The following SZRD1 variants were observed in gnomAD, a reference collection of about 807,000 sequenced individuals.
SZRD1 encodes SUZ RNA-binding domain-containing.
Under a neutral mutation model 17.6 loss-of-function variants are expected in SZRD1, and 7 were observed. The ratio of observed to expected loss-of-function variants is 0.40; its 90% CI spans 0.23 to 0.75. SZRD1 has a LOEUF of 0.75. SZRD1 is among the 30% of genes least tolerant of loss of function. The pLI is 0.38. For missense variants in SZRD1, 178 were observed against 201.8 expected (o/e 0.88, Z 0.71); for synonymous variants, 77 against 77.9 (o/e 0.99, Z 0.06).
chr1:16,393,837 T>C lies in SZRD1; in HGVS notation c.356+355T>C, dbSNP rs1318537311. ...TTGACCTCTCTGGGCCTTAGTTTTC[T>C]CATCTGAAAAAATGGGATAATAATA... On this transcript the variant is annotated intron_variant, in intron 3 of 3. Coordinates refer to ENST00000401088, the MANE Select transcript of SZRD1 (RefSeq NM_001114600.3). This position sits in a 1 kb window ranked among gnomAD's most constrained non-coding sequence, Gnocchi z 5.6. 6.6e-6 allele frequency among the ~76,000 whole-genome samples: 1 copy of C among 152,164 alleles called. No homozygotes were observed.
intron 1 of SZRD1, chr1:16,369,603 C>T (rs918523059): frequency 1.3e-5 from 8 of 607,242 alleles, no homozygotes; most frequent in Non-Finnish European, 2.3e-5. Flanking sequence ...TAAAAATGTA[C>T]CGCGGCCAGG....
At chr1:16,389,680 C>T (rs562493975) in intron 1 of SZRD1, among the ~76,000 whole-genome samples, 14 of 152,080 alleles carry the variant, frequency 9.2e-5, no homozygotes, top group Non-Finnish European at 1.9e-4. Flanking sequence ...CTCCTGCCCT[C>T]GTGATCCGCC....
At chr1:16,373,070 G>C (rs2082940490) in intron 1 of SZRD1, among the ~76,000 whole-genome samples, 1 of 152,018 alleles carries the variant, frequency 6.6e-6, no homozygotes, top group East Asian at 1.9e-4. Context: ...AGCATTGGGA[G>C]GGCTACAAGT....
At chr1:16,387,628 T>G in intron 1 of SZRD1, 1 of 456,742 alleles carries the variant, frequency 2.2e-6, no homozygotes, top group Middle Eastern at 3.3e-4. Context: ...TTGCCTGGTC[T>G]ATGAAGGCAT....
rs1351692465 is a variant in SZRD1, at chr1:16,372,062, A to T, written c.51+4754A>T. On this transcript the variant is annotated intron_variant, in intron 1 of 3. Transcript: ENST00000401088. ...AAAGACTGACTTTGAGAAGTCCCTCACATATTCTGTGAATAGACTTTTTGC... is the reference window on the plus strand; with the variant it reads ...AAAGACTGACTTTGAGAAGTCCCTCTCATATTCTGTGAATAGACTTTTTGC... Among the ~76,000 whole-genome samples the T allele has an allele frequency of 2.0e-5, 3 of 152,288 alleles. No individual in the cohort carries two copies. The East Asian group carries it at 5.8e-4, about 29-fold the overall frequency.
Position 16,391,543 on chromosome 1 carries a change from C to A in SZRD1, c.101+119C>A. ...GGTCCTAGCAGGTCAGGCTCTGGGG[C>A]AGCAAACCCTTCCCTCCAAATTGGA... On this transcript the variant is annotated intron_variant, in intron 2 of 3. Coordinates refer to ENST00000401088, the MANE Select transcript of SZRD1 (RefSeq NM_001114600.3). This position sits in a 1 kb window ranked among gnomAD's most constrained non-coding sequence, Gnocchi z 4.3. 1 of 835,472 alleles carries A rather than the reference C, an allele frequency of 1.2e-6. No individual in the cohort carries two copies. The highest frequency in any genetic ancestry group is 1.9e-6 in the Non-Finnish European group (1 of 526,160). The allele number at this position is 835,472 out of a possible 1,614,324, so 51.8% of individuals were successfully genotyped here.
At chr1:16,376,774 C>T (rs2083009609) in intron 1 of SZRD1, among the ~76,000 whole-genome samples, 1 of 144,312 alleles carries the variant, frequency 6.9e-6, no homozygotes, top group South Asian at 2.2e-4. Flanking sequence ...TCACTGCACT[C>T]CAGCCTGGGC....
At chr1:16,385,789 G>A (rs1330730826) in intron 1 of SZRD1, among the ~76,000 whole-genome samples, 1 of 152,170 alleles carries the variant, frequency 6.6e-6, no homozygotes, top group African/African-American at 2.4e-5. Context: ...AAGGTTAAGG[G>A]CATCAGCAGC....
At chr1:16,377,353 C>T (rs996799171) in intron 1 of SZRD1, among the ~76,000 whole-genome samples, 4 of 152,044 alleles carry the variant, frequency 2.6e-5, no homozygotes, top group Admixed American at 2.6e-4. Flanking sequence ...GAAGTCAAGG[C>T]GGGTGGATTG....
Position 16,394,980 on chromosome 1 carries a change from G to A in SZRD1, c.357-58G>A, listed in dbSNP as rs2085285385. Reference sequence around the variant, plus strand: ...AAAAATAAATAAAAAATAAAGAAATGATGGGGGACATCTATTATATCCTTC... The same window carrying A: ...AAAAATAAATAAAAAATAAAGAAATAATGGGGGACATCTATTATATCCTTC... On this transcript the variant is annotated intron_variant, in intron 3 of 3. Coordinates refer to ENST00000401088, the MANE Select transcript of SZRD1 (RefSeq NM_001114600.3). 9 of 973,960 alleles carry A rather than the reference G, an allele frequency of 9.2e-6. No individual in the cohort carries two copies. In the South Asian group the frequency reaches 1.3e-4, roughly 14 times the overall value. 60.3% of individuals were successfully genotyped at this position (973,960 alleles called of 1,614,324 possible).
At chr1:16,378,116 G>A (rs1003645382) in intron 1 of SZRD1, among the ~76,000 whole-genome samples, 6 of 151,958 alleles carry the variant, frequency 3.9e-5, no homozygotes, top group Non-Finnish European at 5.9e-5. Context: ...TTACTTTCAG[G>A]TATAGGGCTG....
intron 1 of SZRD1, among the ~76,000 whole-genome samples, chr1:16,390,119 A>G (rs545024449): frequency 1.3e-5 from 2 of 152,328 alleles, no homozygotes; most frequent in South Asian, 4.1e-4. Flanking sequence ...TTTTGCATAC[A>G]GTTTCTTCCA....
At chr1:16,367,589 C>T (rs1211275374) in intron 1 of SZRD1, 1 of 499,354 alleles carries the variant, frequency 2.0e-6, no homozygotes, top group Non-Finnish European at 3.6e-6. Context: ...TTCCTGACCC[C>T]CCGCGCCCAC....
At chr1:16,380,624 A>G (rs1231353935) in intron 1 of SZRD1, among the ~76,000 whole-genome samples, 2 of 152,104 alleles carry the variant, frequency 1.3e-5, no homozygotes, top group Admixed American at 1.3e-4. Flanking sequence ...ATGTGCCATC[A>G]CGCCTGGCTA....
chr1:16,379,573 GC>G (rs1570014859), intron 1 of SZRD1, among the ~76,000 whole-genome samples: 1 of 152,254 alleles, frequency 6.6e-6, no homozygotes, highest in East Asian at 1.9e-4. Context: ...AATGCCTAAG[GC>G]AGCCTGAGCT....
At chr1:16,384,854 C>G (rs2083162571) in intron 1 of SZRD1, among the ~76,000 whole-genome samples, 5 of 152,176 alleles carry the variant, frequency 3.3e-5, no homozygotes, top group Admixed American at 3.3e-4. Context: ...TTCTTCAGAT[C>G]TCCCCGGGTC....
At chr1:16,379,044 A>G (rs1280404787) in intron 1 of SZRD1, among the ~76,000 whole-genome samples, 2 of 149,438 alleles carry the variant, frequency 1.3e-5, no homozygotes, top group African/African-American at 2.5e-5. Flanking sequence ...ATCCTACTTT[A>G]TTAGCTCCTG....
Position 16,370,446 on chromosome 1 carries a change from C to T in SZRD1, c.51+3138C>T, listed in dbSNP as rs569987322. Among the ~76,000 whole-genome samples, 366 of 151,886 alleles carry T rather than the reference C, an allele frequency of 2.4e-3. 6 individuals are homozygous for T. The highest frequency in any genetic ancestry group is 8.5e-3 in the African/African-American group (354 of 41,442). Reference sequence around the variant, plus strand: ...TTCACCATGTTGGCCACGCTGATCTCGAACTCCTGGCCTCAAGTGATCCTC... The same window carrying T: ...TTCACCATGTTGGCCACGCTGATCTTGAACTCCTGGCCTCAAGTGATCCTC... On this transcript the variant is annotated intron_variant, in intron 1 of 3. Transcript: ENST00000401088.
Position 16,395,338 on chromosome 1 carries a change from A to C in SZRD1, c.*198A>C. 5.0e-6 allele frequency: 3 copies of C among 594,238 alleles called. No individual in the cohort carries two copies. The highest frequency in any genetic ancestry group is 6.3e-6 in the Non-Finnish European group (2 of 318,250). The allele number at this position is 594,238 out of a possible 1,614,324, so 36.8% of individuals were successfully genotyped here. A position where few individuals can be genotyped will look rare whatever the true frequency, so the allele number is the denominator to read the frequency against. On this transcript the variant is annotated 3_prime_UTR_variant, in exon 4 of 4. Coordinates refer to ENST00000401088, the MANE Select transcript of SZRD1 (RefSeq NM_001114600.3). ...GACCTCCCCCCTTCTCCCCCTTCCC[A>C]CTGTGATTGGCACATCGACAAGGGC...
Sources: allele counts gnomAD v4.1 joint callset (sites outside exome capture counted in the v4.1 genomes callset), GRCh38; gene constraint gnomAD v4.1.1; non-coding constraint Gnocchi (gnomAD v3.1); transcripts MANE v1.5; gene names NCBI Gene and HGNC (gene_info 2026-07-23, HGNC 2026-07-21).